RBMS1: variants seen among roughly 807,000 people sequenced by gnomAD.
RBMS1 encodes the protein RNA binding motif single stranded interacting protein 1.
Under a neutral mutation model 62.3 loss-of-function variants are expected in RBMS1, and 17 were observed. The observed-to-expected ratio is 0.27, with a 90% CI of 0.19 to 0.41. RBMS1 has a LOEUF of 0.41. RBMS1 is among the 10% of genes least tolerant of loss of function. RBMS1 has a pLI of 1.00. For missense variants in RBMS1, 334 were observed against 504.5 expected (o/e 0.66, Z 3.24); for synonymous variants, 172 against 170.0 (o/e 1.01, Z -0.09).
intron 2 of RBMS1, among the ~76,000 whole-genome samples, chr2:160,324,270 C>A (rs1690758736): frequency 6.6e-6 from 1 of 152,188 alleles, no homozygotes; most frequent in Non-Finnish European, 1.5e-5. Context: ...TGCACACACA[C>A]ACACACACAA....
chr2:160,314,881 G>A (rs1418081997), intron 3 of RBMS1, among the ~76,000 whole-genome samples: 2 of 152,018 alleles, frequency 1.3e-5, no homozygotes, highest in Non-Finnish European at 2.9e-5. Flanking sequence ...ATGCTAACAC[G>A]CAACAAAGCT....
intron 2 of RBMS1, among the ~76,000 whole-genome samples, chr2:160,324,281 T>C (rs1322867959): frequency 6.7e-6 from 1 of 149,016 alleles, no homozygotes. Flanking sequence ...ACACACACAA[T>C]TTTCCTGTGT....
rs1351922186 is a variant in RBMS1 at position 160,380,467 on chromosome 2, T to C, written c.76-13076A>G. ...AAGTAAACAGAAAAAAGCAGTAGCA[T>C]GGAAACTTCAGAGCGCCCCGTACGA... On this transcript the variant is annotated intron_variant, in intron 1 of 13. Transcript: ENST00000348849. 3.3e-5 allele frequency among the ~76,000 whole-genome samples: 5 copies of C among 152,146 alleles called. No individual in the cohort carries two copies. The East Asian group carries it at 9.6e-4, about 29-fold the overall frequency.
chr2:160,319,541 G>A (rs1690435678), intron 2 of RBMS1, among the ~76,000 whole-genome samples: 1 of 152,030 alleles, frequency 6.6e-6, no homozygotes, highest in Non-Finnish European at 1.5e-5. Context: ...TCAAATCAAA[G>A]TAAGACTCTG....
intron 5 of RBMS1, among the ~76,000 whole-genome samples, chr2:160,301,993 G>A (rs1299904569): frequency 6.6e-6 from 1 of 152,214 alleles, no homozygotes; most frequent in Non-Finnish European, 1.5e-5. Context: ...GTATTAATAA[G>A]TTTCTAATTA....
At chr2:160,323,957 C>T (rs1690739123) in intron 2 of RBMS1, among the ~76,000 whole-genome samples, 1 of 152,170 alleles carries the variant, frequency 6.6e-6, no homozygotes, top group Admixed American at 6.5e-5. Context: ...CCATTTAGAT[C>T]TCCTCTTTCA....
intron 2 of RBMS1, among the ~76,000 whole-genome samples, chr2:160,318,495 A>G (rs1249436488): frequency 6.6e-6 from 1 of 152,200 alleles, no homozygotes; most frequent in African/African-American, 2.4e-5. Context: ...TTACCTGACA[A>G]TCTTAGGACA....
intron 1 of RBMS1, among the ~76,000 whole-genome samples, chr2:160,403,559 A>C (rs1695542443): frequency 6.6e-6 from 1 of 152,210 alleles, no homozygotes; most frequent in Non-Finnish European, 1.5e-5. Context: ...AAGGCAGTAA[A>C]CTATGTAAAT....
chr2:160,484,238 G>C (rs1685491670), intron 1 of RBMS1, among the ~76,000 whole-genome samples: 1 of 151,982 alleles, frequency 6.6e-6, no homozygotes, highest in South Asian at 2.1e-4. Flanking sequence ...GCTCATGCCT[G>C]TAATCCCAGC....
intron 1 of RBMS1, among the ~76,000 whole-genome samples, chr2:160,476,605 A>G (rs1685142043): frequency 7.9e-6 from 1 of 126,344 alleles, no homozygotes; most frequent in Non-Finnish European, 1.6e-5. Flanking sequence ...CCCAGGCTGG[A>G]GTGCAGTGGC....
intron 12 of RBMS1, chr2:160,276,782 G>A (rs1007345926): frequency 2.0e-5 from 3 of 152,152 alleles, no homozygotes; most frequent in African/African-American, 7.2e-5. Flanking sequence ...CTTTAGTACT[G>A]GGACTGCAAA....
intron 1 of RBMS1, among the ~76,000 whole-genome samples, chr2:160,386,476 C>T (rs1694583535): frequency 6.6e-6 from 1 of 151,054 alleles, no homozygotes; most frequent in South Asian, 2.1e-4. Context: ...GCGGAGGTTG[C>T]AGTGCTGAGA....
intron 1 of RBMS1, chr2:160,407,655 TCTCGCCGCG>T: frequency 1.0e-6 from 1 of 981,416 alleles, no homozygotes; most frequent in Non-Finnish European, 1.2e-6. Context: ...GGGAACTCCC[TCTCGCCGCG>T]CGGCGGCGGC....
chr2:160,459,865 T>G (rs1024820206), intron 1 of RBMS1, among the ~76,000 whole-genome samples: 2 of 152,204 alleles, frequency 1.3e-5, no homozygotes, highest in Admixed American at 1.3e-4. Flanking sequence ...GAAACCAATG[T>G]GCACAAAAGT....
At chr2:160,421,977 T>G (rs1696450288) in intron 1 of RBMS1, among the ~76,000 whole-genome samples, 1 of 152,230 alleles carries the variant, frequency 6.6e-6, no homozygotes, top group Admixed American at 6.5e-5. Flanking sequence ...CTGCCATTTA[T>G]AGTAATGAGT....
intron 1 of RBMS1, among the ~76,000 whole-genome samples, chr2:160,438,674 T>C (rs974121990): frequency 1.3e-3 from 202 of 152,316 alleles, no homozygotes; most frequent in Middle Eastern, 3.4e-3. Flanking sequence ...TACACAGACA[T>C]GGCAACCATC....
In RBMS1 at chr2:160,277,155, G is replaced by A. The variant is rs970099856; in HGVS notation, c.1143+148C>T. The A allele has an allele frequency of 6.0e-6, 4 of 667,298 alleles. No individual in the cohort carries two copies. The South Asian group carries it at 8.5e-5, about 14-fold the overall frequency. The allele number at this position is 667,298 out of a possible 1,614,324, so 41.3% of individuals were successfully genotyped here. A position where few individuals can be genotyped will look rare whatever the true frequency, so the allele number is the denominator to read the frequency against. Reference sequence around the variant, plus strand: ...CCCTCCTCAGCCTTCCAAAGTGTTGGACTTACAGGCATGACCCACCACATC... The same window carrying A: ...CCCTCCTCAGCCTTCCAAAGTGTTGAACTTACAGGCATGACCCACCACATC... On this transcript the variant is annotated intron_variant, in intron 12 of 13. Transcript: ENST00000348849.
intron 1 of RBMS1, among the ~76,000 whole-genome samples, chr2:160,372,216 A>C (rs1282147446): frequency 2.6e-5 from 4 of 151,460 alleles, no homozygotes; most frequent in Non-Finnish European, 5.9e-5. Flanking sequence ...CTTCTCTAAT[A>C]ATTCTAGTAC....
At chr2:160,282,325 G>A in intron 9 of RBMS1, 4 of 1,367,578 alleles carry the variant, frequency 2.9e-6, no homozygotes, top group Middle Eastern at 2.1e-4. Flanking sequence ...CCAAAGTTAA[G>A]TGCTTCTGCC....
Sources: gnomAD v4.1 joint callset for allele counts (sites outside exome capture counted in the v4.1 genomes callset) on GRCh38, gnomAD v4.1.1 for gene constraint, MANE v1.5 for transcripts, NCBI Gene and HGNC (gene_info 2026-07-23, HGNC 2026-07-21) for gene names.